The following FGF7 variants were observed in gnomAD, a reference collection of about 807,000 sequenced individuals.
FGF7 encodes the protein FGF-7.
A neutral mutation model predicts 20.5 loss-of-function variants in FGF7; 6 were observed. The ratio of observed to expected loss-of-function variants is 0.29; its 90% confidence interval spans 0.16 to 0.58. FGF7 has a LOEUF of 0.58. Among genes scored for constraint, FGF7 ranks in the 20% least tolerant of loss-of-function variants. FGF7 has a pLI of 0.90. For missense variants in FGF7, 144 were observed against 228.8 expected (o/e 0.63, Z 2.39); for synonymous variants, 64 against 74.7 (o/e 0.86, Z 0.74).
intron 2 of FGF7, among the ~76,000 whole-genome samples, chr15:49,462,166 G>T (rs1413744781): frequency 6.6e-6 from 1 of 152,136 alleles, no homozygotes; most frequent in African/African-American, 2.4e-5. Context: ...GGTGAAAGGA[G>T]AAATGTGTGA....
In FGF7 at chr15:49,457,882, C is replaced by G. The variant is rs77995451; in HGVS notation, c.287-25269C>G. Among the ~76,000 whole-genome samples, 233 of 151,966 alleles carry G rather than the reference C, an allele frequency of 1.5e-3. 8 individuals are homozygous for G. The East Asian group carries it at 0.042, about 27-fold the overall frequency. On this transcript the variant is annotated intron_variant, in intron 2 of 3. Coordinates refer to ENST00000267843, the MANE Select transcript of FGF7 (RefSeq NM_002009.4). ...TAAAAAACAATTAAATGAATCTAATCATTTTTGTGCTAATTTTAGCACAAG... is the reference window on the plus strand; with the variant it reads ...TAAAAAACAATTAAATGAATCTAATGATTTTTGTGCTAATTTTAGCACAAG...
chr15:49,431,353 G>A (rs1427574569), intron 2 of FGF7, among the ~76,000 whole-genome samples: 1 of 151,786 alleles, frequency 6.6e-6, no homozygotes, highest in Non-Finnish European at 1.5e-5. Flanking sequence ...CTTTAGTAGA[G>A]AAGTCGTGTC....
intron 2 of FGF7, among the ~76,000 whole-genome samples, chr15:49,433,220 A>G (rs1320745480): frequency 5.3e-5 from 8 of 151,512 alleles, no homozygotes; most frequent in African/African-American, 1.2e-4. Flanking sequence ...CTGTGCCCCA[A>G]TTGCTTTTCT....
At chr15:49,482,269 A>C (rs2056021567) in intron 2 of FGF7, among the ~76,000 whole-genome samples, 1 of 152,050 alleles carries the variant, frequency 6.6e-6, no homozygotes, top group Non-Finnish European at 1.5e-5. Context: ...TCATTAAAAC[A>C]CAGGATTTAA....
intron 2 of FGF7, among the ~76,000 whole-genome samples, chr15:49,456,168 C>G (rs10519230): frequency 0.26 from 38,891 of 151,802 alleles, 5,332 homozygotes; most frequent in East Asian, 0.44. Flanking sequence ...AGTTTTTTTC[C>G]AGATATGCTA....
intron 2 of FGF7, among the ~76,000 whole-genome samples, chr15:49,473,085 T>C (rs779232135): frequency 7.9e-5 from 12 of 152,210 alleles, no homozygotes; most frequent in Non-Finnish European, 1.6e-4. Context: ...CATACTGTAA[T>C]CTTTTTTCAA....
intron 2 of FGF7, among the ~76,000 whole-genome samples, chr15:49,460,333 C>T (rs376112386): frequency 6.6e-6 from 1 of 152,092 alleles, no homozygotes; most frequent in East Asian, 1.9e-4. Context: ...AACATATAGC[C>T]ATGCTTATGG....
chr15:49,428,224 C>G (rs77107878), intron 2 of FGF7, among the ~76,000 whole-genome samples: 3,548 of 151,992 alleles, frequency 0.023, 92 homozygotes, highest in South Asian at 0.13. Flanking sequence ...CAGAAAGTCT[C>G]TCCCCTTTAC....
At chr15:49,429,511 A>G (rs1055236880) in intron 2 of FGF7, among the ~76,000 whole-genome samples, 1 of 151,922 alleles carries the variant, frequency 6.6e-6, no homozygotes, top group African/African-American at 2.4e-5. Flanking sequence ...CAGCTGTACA[A>G]TAACTCTTTA....
At chr15:49,431,923 A>G (rs1171120113) in intron 2 of FGF7, among the ~76,000 whole-genome samples, 1 of 151,744 alleles carries the variant, frequency 6.6e-6, no homozygotes. Context: ...AGAAATTGAA[A>G]TAACAATTTC....
intron 2 of FGF7, among the ~76,000 whole-genome samples, chr15:49,442,229 A>G (rs990841094): frequency 2.4e-4 from 37 of 151,350 alleles, no homozygotes; most frequent in African/African-American, 8.5e-4. Context: ...TCTATTCACT[A>G]TTTTTCCTAG....
At chr15:49,471,088 G>A (rs947883946) in intron 2 of FGF7, among the ~76,000 whole-genome samples, 3 of 152,130 alleles carry the variant, frequency 2.0e-5, no homozygotes, top group Non-Finnish European at 2.9e-5. Flanking sequence ...CAGCTTATTA[G>A]AAAAGATAAG....
intron 2 of FGF7, among the ~76,000 whole-genome samples, chr15:49,457,145 C>T (rs573596480): frequency 6.6e-6 from 1 of 152,122 alleles, no homozygotes; most frequent in South Asian, 2.1e-4. Flanking sequence ...CAGTAGAGAA[C>T]TACTAAAACT....
intron 2 of FGF7, among the ~76,000 whole-genome samples, chr15:49,457,190 C>A (rs1004549043): frequency 1.3e-5 from 2 of 151,860 alleles, no homozygotes; most frequent in African/African-American, 2.4e-5. Context: ...AAGCAGGAAG[C>A]AGTTTATTGG....
intron 2 of FGF7, among the ~76,000 whole-genome samples, chr15:49,470,955 A>T (rs920335637): frequency 1.3e-5 from 2 of 152,210 alleles, no homozygotes; most frequent in Admixed American, 6.5e-5. Flanking sequence ...CACCTGGAAC[A>T]TATTTGTTGT....
At chr15:49,466,122 C>T (rs929360163) in intron 2 of FGF7, among the ~76,000 whole-genome samples, 6 of 152,152 alleles carry the variant, frequency 3.9e-5, no homozygotes, top group African/African-American at 1.4e-4. Context: ...CTACTAATCA[C>T]TATGGAGAAA....
At chr15:49,478,050 G>A (rs2055522410) in intron 2 of FGF7, among the ~76,000 whole-genome samples, 1 of 152,094 alleles carries the variant, frequency 6.6e-6, no homozygotes, top group Non-Finnish European at 1.5e-5. Flanking sequence ...AGTACCTAAT[G>A]GTTTTTCAAC....
Position 49,479,533 on chromosome 15 carries a change from A to T in FGF7, c.287-3618A>T, listed in dbSNP as rs575804459. Among the ~76,000 whole-genome samples the T allele has an allele frequency of 2.7e-3, 361 of 133,642 alleles. 4 individuals are homozygous for T. The highest frequency in any genetic ancestry group is 9.6e-3 in the African/African-American group (338 of 35,200). The allele number at this position is 133,642 out of a possible 152,430, so 87.7% of individuals were successfully genotyped here. A position where few individuals can be genotyped will look rare whatever the true frequency, so the allele number is the denominator to read the frequency against. On this transcript the variant is annotated intron_variant, in intron 2 of 3. Coordinates refer to ENST00000267843, the MANE Select transcript of FGF7 (RefSeq NM_002009.4). Reference sequence around the variant, plus strand: ...ATATCTGCATATTACATATTTTTCTATTATGTTTTCTGAGCAACTTCGTGG... The same window carrying T: ...ATATCTGCATATTACATATTTTTCTTTTATGTTTTCTGAGCAACTTCGTGG...
At chr15:49,438,916 A>C (rs925533093) in intron 2 of FGF7, among the ~76,000 whole-genome samples, 1 of 151,534 alleles carries the variant, frequency 6.6e-6, no homozygotes, top group Non-Finnish European at 1.5e-5. Context: ...AGAGAGAGAG[A>C]AAATTAGTTA....
Sources: gnomAD v4.1 joint callset for allele counts (sites outside exome capture counted in the v4.1 genomes callset) on GRCh38, gnomAD v4.1.1 for gene constraint, MANE v1.5 for transcripts, NCBI Gene and HGNC (gene_info 2026-07-23, HGNC 2026-07-21) for gene names.